TNNI3K: variants seen among roughly 807,000 people sequenced by gnomAD.
TNNI3K encodes serine/threonine-protein kinase TNNI3K.
TNNI3K carries 140 observed loss-of-function variants against 114.5 expected under a neutral mutation model. The ratio of observed to expected loss-of-function variants is 1.22; its 90% CI spans 1.07 to 1.41. The LOEUF (loss-of-function observed/expected upper bound fraction) is 1.41. Ranked by LOEUF, TNNI3K falls within the 40% of genes most tolerant of loss-of-function variation. The pLI is 0.00. For synonymous variants in TNNI3K, 347 were observed against 347.5 expected, an observed-to-expected ratio of 1.00 and a Z score of 0.02; for missense variants, 1,125 against 1,007.6, an observed-to-expected ratio of 1.12 and a Z score of -1.58.
rs1646757593 is a variant in TNNI3K at position 74,543,907 on chromosome 1, C to G, written c.2433C>G (p.Gly811=). Residue 811 remains glycine (G), a splice_region_variant and synonymous_variant, in exon 25 of 25, where the codon GGC becomes GGG. Coordinates refer to ENST00000326637, the MANE Select transcript of TNNI3K (RefSeq NM_015978.3). ...AACTGAACTTCTTTTCTGATGCAGG[C>G]TATGTATCCGATCCCATGAGCTCAA... ...SLQYTPIDKY[G]YVSDPMSSMH... 2 of 1,613,472 alleles carry G rather than the reference C, an allele frequency of 1.2e-6. No homozygotes were observed. Among genetic ancestry groups the G allele is most frequent in the East Asian group, 4.5e-5 (2 of 44,846 alleles).
intron 23 of TNNI3K, among the ~76,000 whole-genome samples, chr1:74,535,119 A>G (rs1319673991): frequency 6.6e-6 from 1 of 152,124 alleles, no homozygotes; most frequent in African/African-American, 2.4e-5. Flanking sequence ...GGACTGTGTA[A>G]TTTCACTCTG....
At chr1:74,306,797 A>G (rs926599293) in intron 5 of TNNI3K, among the ~76,000 whole-genome samples, 1 of 152,002 alleles carries the variant, frequency 6.6e-6, no homozygotes, top group Non-Finnish European at 1.5e-5. Context: ...ACATTTTTCC[A>G]CATTCTGTAG....
chr1:74,475,262 G>A (rs746016779), intron 21 of TNNI3K: 75 of 619,220 alleles, frequency 1.2e-4, no homozygotes, highest in Middle Eastern at 5.1e-4. Context: ...AGAATTAAAC[G>A]GAGTGGGATT....
chr1:74,406,155 C>A (rs894800671), intron 17 of TNNI3K, among the ~76,000 whole-genome samples: 2 of 152,316 alleles, frequency 1.3e-5, no homozygotes, highest in East Asian at 1.9e-4. Context: ...GGTTGTAGGA[C>A]TGAAGTCCCT....
chr1:74,384,164 A>C (rs1663352968), intron 17 of TNNI3K, among the ~76,000 whole-genome samples: 1 of 152,194 alleles, frequency 6.6e-6, no homozygotes, highest in African/African-American at 2.4e-5. Context: ...TGAAATGAGA[A>C]GGTAGTTCTC....
At chr1:74,333,930 T>G (rs141830542) in intron 6 of TNNI3K, among the ~76,000 whole-genome samples, 13 of 152,368 alleles carry the variant, frequency 8.5e-5, no homozygotes, top group African/African-American at 1.9e-4. Flanking sequence ...TTCTTGAAAC[T>G]AAACTTCTGC....
At chr1:74,252,954 C>T (rs1655035041) in intron 4 of TNNI3K, among the ~76,000 whole-genome samples, 1 of 152,188 alleles carries the variant, frequency 6.6e-6, no homozygotes, top group Non-Finnish European at 1.5e-5. Context: ...CCCCCACCCA[C>T]ATCCTGCTGA....
chr1:74,249,514 T>A lies in TNNI3K; in HGVS notation c.205T>A (p.Ser69Thr), dbSNP rs1246062657. The change falls in exon 3 of 25, where the codon TCT becomes ACT. Residue 69 changes from serine to threonine, a missense_variant. By Grantham distance (58) the Ser-to-Thr change is moderately conservative (BLOSUM62 1). Transcript: ENST00000326637. ...AAATTACCGCACTGAAAATGGGCTG[T>A]CTCTACTTCATTTATGTTGCATTTG... ...NLNYRTENGL[S>T]LLHLCCICGG... 1.4e-5 allele frequency: 23 copies of A among 1,613,610 alleles called. No individual in the cohort carries two copies. The highest frequency in any genetic ancestry group is 1.9e-5 in the Non-Finnish European group (23 of 1,179,822).
Position 74,492,037 on chromosome 1 carries a change from G to A in TNNI3K, c.2182-60G>A, listed in dbSNP as rs1669104004. The A allele has an allele frequency of 5.8e-6, 8 of 1,380,574 alleles. No homozygotes were observed. The South Asian group carries it at 1.3e-4, about 23-fold the overall frequency. The allele number at this position is 1,380,574 out of a possible 1,614,324, so 85.5% of individuals were successfully genotyped here. ...ATAGAAAGTTAAATCCATATTTTAT[G>A]TTATGTCTTCACACCTGTTGGAAGT... On this transcript the variant is annotated intron_variant, in intron 22 of 24. Transcript: ENST00000326637.
intron 5 of TNNI3K, among the ~76,000 whole-genome samples, chr1:74,320,519 A>C (rs532506780): frequency 6.6e-6 from 1 of 152,322 alleles, no homozygotes; most frequent in African/African-American, 2.4e-5. Context: ...TTAAATAGTC[A>C]GTTTTCTGGT....
intron 16 of TNNI3K, 128 bp downstream of exon 16, chr1:74,369,713 T>C (rs1434717347): frequency 1.9e-6 from 2 of 1,069,498 alleles, no homozygotes; most frequent in East Asian, 5.5e-5. Flanking sequence ...AAGTGTGTCA[T>C]TTTTAATATC....
At chr1:74,535,007 T>C (rs955932326) in intron 23 of TNNI3K, among the ~76,000 whole-genome samples, 5 of 150,024 alleles carry the variant, frequency 3.3e-5, no homozygotes, top group South Asian at 2.1e-4. Context: ...TGGTAACGTA[T>C]AGCCAGATAT....
chr1:74,239,392 T>C (rs1357994900), intron 2 of TNNI3K, among the ~76,000 whole-genome samples: 1 of 152,122 alleles, frequency 6.6e-6, no homozygotes, highest in East Asian at 1.9e-4. Context: ...TAACACTGTA[T>C]GAAATGACAT....
At position 74,272,530 on chromosome 1, in the gene TNNI3K, GC is replaced by G. The variant is rs139751483; in HGVS notation, c.444+824del. ...GAATGGCACTTGCAAGGACCCTGAG[GC>G]CTAAAAAGGCTGGGTGTGTTTGAGG... On this transcript the variant is annotated intron_variant, in intron 5 of 24. Transcript: ENST00000326637. Among the ~76,000 whole-genome samples the G allele has an allele frequency of 4.5e-3, 685 of 151,844 alleles. 6 individuals carry two copies. Among genetic ancestry groups the G allele is most frequent in the African/African-American group, 0.015 (616 of 41,454 alleles).
intron 7 of TNNI3K, among the ~76,000 whole-genome samples, chr1:74,341,239 T>C (rs1165516533): frequency 6.6e-6 from 1 of 152,212 alleles, no homozygotes; most frequent in African/African-American, 2.4e-5. Flanking sequence ...AACTAGACTG[T>C]AGGTTATTTG....
At chr1:74,447,241 T>G (rs1445444555) in intron 20 of TNNI3K, among the ~76,000 whole-genome samples, 4 of 149,752 alleles carry the variant, frequency 2.7e-5, no homozygotes, top group Non-Finnish European at 5.9e-5. Context: ...TAGTTCTCCT[T>G]GAAGAGGTCC....
At chr1:74,525,327 A>G (rs1646488736) in intron 23 of TNNI3K, among the ~76,000 whole-genome samples, 1 of 152,190 alleles carries the variant, frequency 6.6e-6, no homozygotes, top group Non-Finnish European at 1.5e-5. Context: ...TACATGTGTG[A>G]TAAGTATTGT....
chr1:74,409,894 T>C (rs1046776859), intron 17 of TNNI3K, among the ~76,000 whole-genome samples: 6 of 152,294 alleles, frequency 3.9e-5, no homozygotes, highest in African/African-American at 1.2e-4. Flanking sequence ...ATTGGATAAG[T>C]TAGTGACTTT....
rs191784427 is a variant in TNNI3K at position 74,485,268 on chromosome 1, G to C, written c.2122-3921G>C. The stretch of plus-strand genomic sequence containing the variant: ...AGTACAGTGAATTTCCATGGGCAGA[G>C]AATAAGCATTAGGTAATTCCAGTCT... On this transcript the variant is annotated intron_variant, in intron 21 of 24. Transcript: ENST00000326637. Among the ~76,000 whole-genome samples the C allele has an allele frequency of 8.5e-5, 13 of 152,304 alleles. No homozygotes were observed. In the East Asian group the frequency reaches 2.1e-3, roughly 25 times the overall value.
Sources: allele counts gnomAD v4.1 joint callset (sites outside exome capture counted in the v4.1 genomes callset), GRCh38; gene constraint gnomAD v4.1.1; transcripts MANE v1.5; gene names NCBI Gene and HGNC (gene_info 2026-07-23, HGNC 2026-07-21).